COLEC10: variants seen among roughly 807,000 people sequenced by gnomAD.
COLEC10 encodes the protein collectin subfamily member 10.
Under a neutral mutation model 28.4 loss-of-function variants are expected in COLEC10, and 22 were observed. The observed-to-expected ratio is 0.78, with a 90% CI of 0.55 to 1.11. COLEC10 has a LOEUF of 1.11. Ranked by LOEUF, COLEC10 falls within the 50% of genes least tolerant of loss-of-function variation. The probability of loss-of-function intolerance (pLI) is 0.00; values close to 1 mark genes in which losing one functional copy is unlikely to be tolerated. For synonymous variants in COLEC10, 125 were observed against 116.1 expected, an observed-to-expected ratio of 1.08 and a Z score of -0.49; for missense variants, 361 against 344.1, an observed-to-expected ratio of 1.05 and a Z score of -0.39.
chr8:119,098,432 G>C (rs1815762955), intron 3 of COLEC10, among the ~76,000 whole-genome samples: 1 of 152,002 alleles, frequency 6.6e-6, no homozygotes, highest in South Asian at 2.1e-4. Flanking sequence ...CAGGTACATA[G>C]CACCTAATAC....
At chr8:119,079,644 T>C (rs528545015) in intron 1 of COLEC10, among the ~76,000 whole-genome samples, 1 of 112,074 alleles carries the variant, frequency 8.9e-6, no homozygotes, top group African/African-American at 3.5e-5. Flanking sequence ...ATGCAATGAC[T>C]GCAAAATAAT....
chr8:118,961,329 A>G, the COLEC10 span, among the ~76,000 whole-genome samples: 1 of 152,186 alleles, frequency 6.6e-6, no homozygotes. Flanking sequence ...GTTTCATGCA[A>G]TTCAAACCAT....
intron 1 of COLEC10, among the ~76,000 whole-genome samples, chr8:118,996,176 C>G (rs1813585906): frequency 6.6e-6 from 1 of 152,294 alleles, no homozygotes; most frequent in South Asian, 2.1e-4. Context: ...ATAGTGTCCT[C>G]AAGGGTCATC....
At chr8:119,029,679 A>G (rs916745115) in intron 2 of COLEC10, among the ~76,000 whole-genome samples, 1 of 151,672 alleles carries the variant, frequency 6.6e-6, no homozygotes, top group Non-Finnish European at 1.5e-5. Context: ...GGCAATGGAA[A>G]AGAAATAGGG....
chr8:119,039,642 A>G (rs1042456570), intron 2 of COLEC10, among the ~76,000 whole-genome samples: 1 of 152,192 alleles, frequency 6.6e-6, no homozygotes, highest in Non-Finnish European at 1.5e-5. Context: ...AAATCCAAAG[A>G]TGGGTATCAC....
At chr8:119,065,168 C>T (rs1814929686), upstream of COLEC10, among the ~76,000 whole-genome samples, 1 of 152,158 alleles carries the variant, frequency 6.6e-6, no homozygotes, top group Non-Finnish European at 1.5e-5. Context: ...AGGCCACGAA[C>T]TGGTATCGGT....
the COLEC10 span, among the ~76,000 whole-genome samples, chr8:118,959,107 G>T: frequency 6.6e-6 from 1 of 152,286 alleles, no homozygotes; most frequent in Non-Finnish European, 1.5e-5. Flanking sequence ...CTTCTTTAGT[G>T]GTTGTTAGAT....
intron 1 of COLEC10, 33 bp from the exon 2 acceptor site, chr8:119,089,647 T>G: frequency 6.5e-7 from 1 of 1,546,282 alleles, no homozygotes; most frequent in Non-Finnish European, 8.9e-7. Flanking sequence ...CTGTTTGAGA[T>G]GCTTCACTCT....
At chr8:119,098,401 G>A (rs890143949) in intron 3 of COLEC10, among the ~76,000 whole-genome samples, 2 of 152,042 alleles carry the variant, frequency 1.3e-5, no homozygotes, top group Admixed American at 1.3e-4. Flanking sequence ...TTTCCTTCAT[G>A]CTAATTCCTC....
chr8:119,002,631 T>G (rs1001433838), intron 1 of COLEC10, among the ~76,000 whole-genome samples: 7 of 152,160 alleles, frequency 4.6e-5, no homozygotes, highest in African/African-American at 1.7e-4. Context: ...TCATTTACAA[T>G]ACTTGGGTGT....
In COLEC10 at chr8:119,107,332, T is replaced by A. The variant is rs1815968461; in HGVS notation, c.*1141T>A. On this transcript the variant is annotated 3_prime_UTR_variant, in exon 6 of 6. Coordinates refer to ENST00000332843, the MANE Select transcript of COLEC10 (RefSeq NM_006438.5). ...ACAGAATTCGGAACATGCTTAGAAC[T>A]CACATTTACTGAGCTGGTAAAATTC... 1.3e-5 allele frequency among the ~76,000 whole-genome samples: 2 copies of A among 152,208 alleles called. No individual in the cohort carries two copies. Among genetic ancestry groups the A allele is most frequent in the South Asian group, 4.1e-4 (2 of 4,836 alleles).
At chr8:119,000,147 G>T (rs982095843) in intron 1 of COLEC10, among the ~76,000 whole-genome samples, 2 of 152,144 alleles carry the variant, frequency 1.3e-5, no homozygotes, top group African/African-American at 4.8e-5. Context: ...CAGGGAGAAA[G>T]GCAGAGTGTG....
chr8:119,018,208 G>A (rs1399153324), intron 2 of COLEC10, among the ~76,000 whole-genome samples: 1 of 151,548 alleles, frequency 6.6e-6, no homozygotes, highest in Non-Finnish European at 1.5e-5. Flanking sequence ...GTGTCCTGAA[G>A]AAGAAATTAT....
chr8:118,971,999 C>G, the COLEC10 span, among the ~76,000 whole-genome samples: 2 of 151,970 alleles, frequency 1.3e-5, no homozygotes, highest in African/African-American at 4.8e-5. Flanking sequence ...CTGCTTCCCT[C>G]TCCTACTCCA....
At chr8:119,042,453 G>C (rs1481677651) in intron 2 of COLEC10, among the ~76,000 whole-genome samples, 14 of 151,312 alleles carry the variant, frequency 9.3e-5, no homozygotes, top group Non-Finnish European at 2.1e-4. Context: ...TGTTTTTAGA[G>C]ATTTTGCACT....
chr8:119,074,758 T>C (rs186585932), intron 1 of COLEC10, among the ~76,000 whole-genome samples: 1 of 152,358 alleles, frequency 6.6e-6, no homozygotes, highest in East Asian at 1.9e-4. Flanking sequence ...TCTTCGCTGA[T>C]ATTGCTTCCT....
At chr8:119,101,520 T>A (rs1426834915) in intron 3 of COLEC10, among the ~76,000 whole-genome samples, 2 of 152,210 alleles carry the variant, frequency 1.3e-5, no homozygotes, top group Non-Finnish European at 2.9e-5. Flanking sequence ...AATTATTTTG[T>A]GGATACCTGT....
intron 2 of COLEC10, among the ~76,000 whole-genome samples, chr8:119,026,397 AT>A (rs1292876608): frequency 6.6e-6 from 1 of 152,132 alleles, no homozygotes; most frequent in Non-Finnish European, 1.5e-5. Flanking sequence ...CCACTAAAAA[AT>A]AAAATAAAAA....
chr8:119,084,073 A>G (rs1053051364), intron 1 of COLEC10, among the ~76,000 whole-genome samples: 2 of 152,194 alleles, frequency 1.3e-5, no homozygotes, highest in African/African-American at 4.8e-5. Context: ...TTATTAAAAG[A>G]CATACAAAGA....
Sources: gnomAD v4.1 joint callset for allele counts (sites outside exome capture counted in the v4.1 genomes callset) on GRCh38, gnomAD v4.1.1 for gene constraint, MANE v1.5 for transcripts, NCBI Gene and HGNC (gene_info 2026-07-23, HGNC 2026-07-21) for gene names.